The following MSRA variants were observed in gnomAD, a reference collection of about 807,000 sequenced individuals.
MSRA encodes the protein mitochondrial peptide methionine sulfoxide reductase.
Under a neutral mutation model 31.3 loss-of-function variants are expected in MSRA, and 54 were observed. The ratio of observed to expected loss-of-function variants is 1.73; its 90% confidence interval spans 1.39 to 2.17. The LOEUF (loss-of-function observed/expected upper bound fraction) is 2.17. MSRA is among the 30% of genes most tolerant of loss of function. The probability of loss-of-function intolerance (pLI) is 0.00; values close to 1 mark genes in which losing one functional copy is unlikely to be tolerated. For synonymous variants in MSRA, 169 were observed against 116.5 expected (o/e 1.45, Z -2.90); for missense variants, 507 against 300.9 (o/e 1.69, Z -5.07).
rs139785679 is a variant in MSRA at position 10,337,417 on chromosome 8, G to A, written c.543+17428G>A. On this transcript the variant is annotated intron_variant, in intron 5 of 5. Transcript: ENST00000317173. ...GATGATCTGGATCTCCTGACCTCGT[G>A]ATCCACCAGCCTCGGCCTCCCAAAG... is the stretch of plus-strand genomic sequence containing the variant. The A allele has an allele frequency of 7.6e-3, 2,425 of 318,440 alleles. 37 individuals are homozygous for A. The highest frequency in any genetic ancestry group is 0.05 in the East Asian group (695 of 13,892). The allele number at this position is 318,440 out of a possible 1,614,324, so 19.7% of individuals were successfully genotyped here.
intron 5 of MSRA, chr8:10,320,232 G>A (rs1456156083): frequency 6.7e-6 from 2 of 298,880 alleles, no homozygotes; most frequent in South Asian, 1.1e-4. Context: ...ACTTTGGGGG[G>A]CCGAAGCAGA....
At chr8:10,391,024 G>T (rs2129179513) in intron 5 of MSRA, among the ~76,000 whole-genome samples, 1 of 150,352 alleles carries the variant, frequency 6.7e-6, no homozygotes, top group South Asian at 2.1e-4. Flanking sequence ...TGAGTTTTTA[G>T]GGAGAAACCT....
chr8:10,244,228 A>G (rs562203070), intron 2 of MSRA, among the ~76,000 whole-genome samples: 85 of 152,344 alleles, frequency 5.6e-4, no homozygotes, highest in African/African-American at 1.9e-3. Flanking sequence ...TTTTACATCT[A>G]GAAGTGGGCC....
chr8:10,109,248 C>G (rs969007160), intron 1 of MSRA, among the ~76,000 whole-genome samples: 9 of 152,106 alleles, frequency 5.9e-5, no homozygotes, highest in African/African-American at 2.2e-4. Flanking sequence ...CCTTTTTTAC[C>G]TAGTGCTTAA....
At chr8:10,357,324 A>G (rs1804565076) in intron 5 of MSRA, among the ~76,000 whole-genome samples, 1 of 152,228 alleles carries the variant, frequency 6.6e-6, no homozygotes, top group Non-Finnish European at 1.5e-5. Context: ...CACAGGTCTT[A>G]CAGGAAAGTC....
At chr8:10,188,143 C>T (rs1005214933) in intron 1 of MSRA, among the ~76,000 whole-genome samples, 2 of 152,198 alleles carry the variant, frequency 1.3e-5, no homozygotes, top group African/African-American at 4.8e-5. Flanking sequence ...CACCAGCTTC[C>T]CCCAATGTTA....
intron 3 of MSRA, among the ~76,000 whole-genome samples, chr8:10,256,047 A>G (rs917880983): frequency 6.6e-6 from 1 of 152,070 alleles, no homozygotes; most frequent in African/African-American, 2.4e-5. Flanking sequence ...TGACATGTAT[A>G]ATGAGTGACC....
chr8:10,253,032 G>T (rs867509310), intron 3 of MSRA, among the ~76,000 whole-genome samples: 7 of 152,272 alleles, frequency 4.6e-5, no homozygotes, highest in South Asian at 2.1e-4. Context: ...TCCCAAGTTT[G>T]CCCAGTTATT....
chr8:10,087,230 A>G (rs1466755880), intron 1 of MSRA, among the ~76,000 whole-genome samples: 2 of 152,188 alleles, frequency 1.3e-5, no homozygotes, highest in African/African-American at 2.4e-5. Context: ...ACAAATACCT[A>G]TAAAATGAGT....
chr8:10,171,583 C>G (rs1341300606), intron 1 of MSRA, among the ~76,000 whole-genome samples: 1 of 152,128 alleles, frequency 6.6e-6, no homozygotes, highest in Non-Finnish European at 1.5e-5. Context: ...ATTGCCCTTC[C>G]CTCAGTGACC....
At chr8:10,134,972 G>A (rs929371177) in intron 1 of MSRA, among the ~76,000 whole-genome samples, 1 of 152,240 alleles carries the variant, frequency 6.6e-6, no homozygotes, top group African/African-American at 2.4e-5. Flanking sequence ...GGAACCAACG[G>A]AGGAATGTGA....
chr8:10,306,336 G>A (rs1801137936), intron 4 of MSRA, among the ~76,000 whole-genome samples: 1 of 152,142 alleles, frequency 6.6e-6, no homozygotes, highest in Non-Finnish European at 1.5e-5. Context: ...TGGTATAGGT[G>A]CCATGCCAGT....
chr8:10,180,997 T>C (rs894793148), intron 1 of MSRA, among the ~76,000 whole-genome samples: 5 of 152,222 alleles, frequency 3.3e-5, no homozygotes, highest in African/African-American at 1.2e-4. Context: ...TCTTCGTCTC[T>C]GGACTTCTCT....
At chr8:10,312,562 G>A (rs546194401) in intron 4 of MSRA, among the ~76,000 whole-genome samples, 104 of 152,272 alleles carry the variant, frequency 6.8e-4, no homozygotes, top group Non-Finnish European at 1.1e-3. Context: ...TATGATCCTT[G>A]CATAGTCTTG....
At chr8:10,177,131 T>G (rs1247260035) in intron 1 of MSRA, among the ~76,000 whole-genome samples, 1 of 152,214 alleles carries the variant, frequency 6.6e-6, no homozygotes, top group East Asian at 1.9e-4. Flanking sequence ...AAATGGTAGA[T>G]GTATTGAGTA....
intron 1 of MSRA, among the ~76,000 whole-genome samples, chr8:10,114,245 CT>C (rs1444417147): frequency 1.3e-5 from 2 of 152,142 alleles, no homozygotes; most frequent in Non-Finnish European, 2.9e-5. Flanking sequence ...GTTCTTTTTA[CT>C]ATTGGGTTGT....
At chr8:10,372,228 A>C (rs1213874517) in intron 5 of MSRA, among the ~76,000 whole-genome samples, 2 of 152,182 alleles carry the variant, frequency 1.3e-5, no homozygotes, top group Non-Finnish European at 2.9e-5. Context: ...CCTGCTGGGC[A>C]GCCATTGCCA....
intron 5 of MSRA, among the ~76,000 whole-genome samples, chr8:10,348,789 T>C (rs1402767296): frequency 7.3e-4 from 111 of 152,224 alleles, no homozygotes; most frequent in Non-Finnish European, 1.5e-5. Context: ...TTGGCAGAAT[T>C]GGGGATCAAC....
intron 1 of MSRA, among the ~76,000 whole-genome samples, chr8:10,144,799 C>T (rs1803000759): frequency 1.3e-5 from 2 of 152,074 alleles, no homozygotes; most frequent in Admixed American, 1.3e-4. Flanking sequence ...GCTGGCTCAT[C>T]AGAGGTGGGC....
Sources: allele counts gnomAD v4.1 joint callset (sites outside exome capture counted in the v4.1 genomes callset), GRCh38; gene constraint gnomAD v4.1.1; transcripts MANE v1.5; gene names NCBI Gene and HGNC (gene_info 2026-07-23, HGNC 2026-07-21).